The following SCML2 variants were observed in gnomAD, a reference collection of about 807,000 sequenced individuals.
The protein encoded by SCML2 is Scm polycomb group protein like 2.
In SCML2, 6 loss-of-function variants were observed where a neutral mutation model predicts 48.4. That is an observed-to-expected ratio of 0.12 (90% CI 0.07 to 0.24). The LOEUF is 0.24. Among genes scored for constraint, SCML2 ranks in the 10% least tolerant of loss-of-function variants. SCML2 has a pLI of 1.00. For synonymous variants in SCML2, 181 were observed against 189.5 expected (o/e 0.95, Z 0.37); for missense variants, 377 against 528.2 (o/e 0.71, Z 2.81).
intron 7 of SCML2, among the ~76,000 whole-genome samples, chrX:18,270,343 G>T (rs1011466528): frequency 2.7e-5 from 3 of 111,224 alleles, no homozygotes; most frequent in Non-Finnish European, 5.7e-5. Flanking sequence ...TTTTACATAT[G>T]AACAAAATTT....
chrX:18,262,337 C>CTTTT (rs780523423), intron 8 of SCML2, among the ~76,000 whole-genome samples: 3 of 78,467 alleles, frequency 3.8e-5, no homozygotes, highest in African/African-American at 5.5e-5. Context: ...CTGGGTCTAC[C>CTTTT]TTTTTTTTTT....
upstream of SCML2, among the ~76,000 whole-genome samples, chrX:18,354,895 C>T (rs1181827672): frequency 8.9e-6 from 1 of 112,184 alleles, no homozygotes; most frequent in Non-Finnish European, 1.9e-5. Flanking sequence ...TTGCCTCCTA[C>T]CCCCCACGCC....
chrX:18,254,715 G>A (rs775508706), intron 11 of SCML2, among the ~76,000 whole-genome samples: 1 of 111,378 alleles, frequency 9.0e-6, no homozygotes, highest in Non-Finnish European at 1.9e-5. Flanking sequence ...CTTGAGGCCA[G>A]GAGTTTGAGA....
At chrX:18,326,149 G>C (rs1350137543) in intron 3 of SCML2, among the ~76,000 whole-genome samples, 1 of 112,277 alleles carries the variant, frequency 8.9e-6, no homozygotes, top group African/African-American at 3.2e-5. Context: ...CTCCCAAGCC[G>C]GTGTGAGCCA....
chrX:18,354,683 A>G lies in SCML2; in HGVS notation c.-116T>C. ...CACACCGCCGCCGCCATGTTTGAGA[A>G]GCCGCGCGCGGAGCCGCGCATGCCC... On this transcript the variant is annotated 5_prime_UTR_variant, in exon 1 of 15. Coordinates refer to ENST00000251900, the MANE Select transcript of SCML2 (RefSeq NM_006089.3). 3.6e-6 allele frequency: 1 copy of G among 280,644 alleles called. No homozygotes were observed. Among genetic ancestry groups the G allele is most frequent in the African/African-American group, 2.8e-5 (1 of 36,260 alleles). The allele number at this position is 280,644 out of a possible 1,213,427, so 23.1% of individuals were successfully genotyped here.
intron 7 of SCML2, among the ~76,000 whole-genome samples, chrX:18,278,654 G>A (rs932637293): frequency 1.8e-5 from 2 of 112,467 alleles, no homozygotes; most frequent in Non-Finnish European, 3.8e-5. Flanking sequence ...GCCCCTCCCA[G>A]GCCCAATGCC....
chrX:18,294,872 C>T (rs1296029854), intron 7 of SCML2, among the ~76,000 whole-genome samples: 1 of 111,332 alleles, frequency 9.0e-6, no homozygotes, highest in Non-Finnish European at 1.9e-5. Flanking sequence ...CTACTACTGA[C>T]AGCAACCTTA....
intron 6 of SCML2, among the ~76,000 whole-genome samples, chrX:18,317,788 C>T (rs2147535381): frequency 1.0e-5 from 1 of 99,944 alleles, no homozygotes; most frequent in East Asian, 3.3e-4. Context: ...GAGCCGAGAT[C>T]GCGCCACTGC....
chrX:18,317,751 G>A (rs1160442022), intron 6 of SCML2, among the ~76,000 whole-genome samples: 2 of 104,729 alleles, frequency 1.9e-5, no homozygotes, highest in South Asian at 4.4e-4. Flanking sequence ...GGAGAATGGC[G>A]TGAACCCGGG....
chrX:18,267,679 G>A (rs1927302151), intron 7 of SCML2, among the ~76,000 whole-genome samples: 1 of 107,639 alleles, frequency 9.3e-6, no homozygotes, highest in Non-Finnish European at 1.9e-5. Flanking sequence ...TCCGCCTCCC[G>A]GGTTCATGCC....
chrX:18,330,710 C>T, intron 2 of SCML2, 55 bp from the exon 3 acceptor site: 1 of 718,763 alleles, frequency 1.4e-6, no homozygotes, highest in Non-Finnish European at 2.1e-6. Context: ...CTTGAAAGAG[C>T]ACTCAGAAAA....
intron 6 of SCML2, among the ~76,000 whole-genome samples, chrX:18,305,826 G>A (rs910075153): frequency 1.4e-4 from 15 of 110,343 alleles, no homozygotes; most frequent in Non-Finnish European, 2.1e-4. Context: ...CATATAGTAT[G>A]GGGTCATTTA....
rs769630075 is a variant in SCML2, at chrX:18,258,140, G to A, written c.1177C>T (p.Arg393Cys). 8.3e-7 allele frequency: 1 copy of A among 1,211,661 alleles called. No homozygotes were observed. The highest frequency in any genetic ancestry group is 1.1e-6 in the Non-Finnish European group (1 of 895,312). Residue 393 changes from arginine (R) to cysteine (C), a missense_variant, in exon 10 of 15, where the codon CGC (arginine) becomes TGC (cysteine). By Grantham distance (180) the Arg-to-Cys change is radical. Coordinates refer to ENST00000251900, the MANE Select transcript of SCML2 (RefSeq NM_006089.3). ...FGPGPVNVVL[R>C]RIVQACVDCA... is the part of the protein sequence containing the mutation. ...TCCACACAGGCCTGCACAATCCGGCGAAGCACCACATTCACCGGGCCCGGG... is the reference window on the plus strand; with the variant it reads ...TCCACACAGGCCTGCACAATCCGGCAAAGCACCACATTCACCGGGCCCGGG...
intron 2 of SCML2, among the ~76,000 whole-genome samples, chrX:18,331,134 C>T (rs1168080934): frequency 9.2e-6 from 1 of 108,357 alleles, no homozygotes; most frequent in Non-Finnish European, 1.9e-5. Context: ...GTGGCGGGCA[C>T]CTGTAATCCC....
intron 3 of SCML2, among the ~76,000 whole-genome samples, chrX:18,325,653 T>C (rs930765857): frequency 8.9e-6 from 1 of 111,826 alleles, no homozygotes; most frequent in Non-Finnish European, 1.9e-5. Context: ...TATTATAATG[T>C]TAGAAGAGAA....
intron 11 of SCML2, among the ~76,000 whole-genome samples, chrX:18,248,796 T>C (rs1005492129): frequency 8.9e-6 from 1 of 112,480 alleles, no homozygotes; most frequent in Non-Finnish European, 1.9e-5. Context: ...TTTAATAATA[T>C]GGAATATTCG....
At chrX:18,278,807 G>A (rs1418006767) in intron 7 of SCML2, among the ~76,000 whole-genome samples, 1 of 112,987 alleles carries the variant, frequency 8.9e-6, no homozygotes, top group African/African-American at 3.2e-5. Flanking sequence ...GCCACGGAAA[G>A]TTCCAGTTCC....
intron 3 of SCML2, among the ~76,000 whole-genome samples, chrX:18,325,768 C>T (rs1444778587): frequency 1.8e-5 from 2 of 111,949 alleles, no homozygotes; most frequent in Non-Finnish European, 3.8e-5. Flanking sequence ...AGTGAACAAA[C>T]TAGTAATTCA....
intron 7 of SCML2, among the ~76,000 whole-genome samples, chrX:18,285,981 T>A (rs1928039020): frequency 8.9e-6 from 1 of 111,923 alleles, no homozygotes; most frequent in Non-Finnish European, 1.9e-5. Context: ...ATACAACATA[T>A]GCTTTTTAAA....
Sources: gnomAD v4.1 joint callset for allele counts (sites outside exome capture counted in the v4.1 genomes callset) on GRCh38, gnomAD v4.1.1 for gene constraint, MANE v1.5 for transcripts, NCBI Gene and HGNC (gene_info 2026-07-23, HGNC 2026-07-21) for gene names.